CDK5R1: variants seen among roughly 807,000 people sequenced by gnomAD.
The protein encoded by CDK5R1 is cyclin dependent kinase 5 regulatory subunit 1.
A neutral mutation model predicts 19.0 loss-of-function variants in CDK5R1; 1 was observed. That is an observed-to-expected ratio of 0.05 (90% CI 0.02 to 0.25). The LOEUF is 0.25. CDK5R1 is among the 10% of genes least tolerant of loss of function. The pLI is 1.00. For synonymous variants in CDK5R1, 225 were observed against 187.7 expected (o/e 1.20, Z -1.62); for missense variants, 314 against 401.0 (o/e 0.78, Z 1.85).
Position 32,489,014 on chromosome 17 carries a change from G to C in CDK5R1, c.*470G>C. ...CCCTAACTGAGCTGCCAGTGGGGTC[G>C]TGAGGCAAGATCCCCGCCACCCGGG... On this transcript the variant is annotated 3_prime_UTR_variant, in exon 2 of 2. Coordinates refer to ENST00000313401, the MANE Select transcript of CDK5R1 (RefSeq NM_003885.3). 2.6e-6 allele frequency: 1 copy of C among 380,492 alleles called. No individual in the cohort carries two copies. The highest frequency in any genetic ancestry group is 5.4e-6 in the Non-Finnish European group (1 of 184,694). 23.6% of individuals were successfully genotyped at this position (380,492 alleles called of 1,614,324 possible).
rs756706839 is a variant in CDK5R1, at chr17:32,488,481, C to T, written c.861C>T (p.Ser287=). The T allele has an allele frequency of 6.8e-6, 11 of 1,614,058 alleles. No individual in the cohort carries two copies. In the South Asian group the frequency reaches 1.1e-4, roughly 16 times the overall value. The change falls in exon 2 of 2, where the codon TCC becomes TCT. Residue 287 remains serine (S), a synonymous_variant. Transcript: ENST00000313401. ...CACACTACTTCACACAGGTCTTCTC[C>T]GACCTGAAGAACGAGAGCGGCCAGG... The part of the protein sequence containing the change: ...ADPHYFTQVF[S]DLKNESGQED...
Position 32,488,630 on chromosome 17 carries a change from A to C in CDK5R1, c.*86A>C. 1 of 1,574,712 alleles carries C rather than the reference A, an allele frequency of 6.4e-7. No homozygotes were observed. The stretch of plus-strand genomic sequence containing the variant: ...TCAGTTTTGTGTACAGTATGTGTCT[A>C]GCAAAGCCACCAAGGGCCTCACCTT... On this transcript the variant is annotated 3_prime_UTR_variant, in exon 2 of 2. Coordinates refer to ENST00000313401, the MANE Select transcript of CDK5R1 (RefSeq NM_003885.3).
At position 32,487,569 on chromosome 17, in the gene CDK5R1, G is replaced by C. The variant is rs1908717504; in HGVS notation, c.-52G>C. ...GGTGAGCGGTTTTATCCCTCCGGCC[G>C]GCAGGCTGGGCGCGCAGGGGCGCGA... On this transcript the variant is annotated 5_prime_UTR_variant, in exon 2 of 2. Transcript: ENST00000313401. The surrounding 1 kb of genome is among the most constrained non-coding windows in gnomAD (Gnocchi z 7.9). 6.0e-6 allele frequency: 9 copies of C among 1,497,570 alleles called. No homozygotes were observed. The South Asian group carries it at 7.1e-5, about 12-fold the overall frequency. The allele number at this position is 1,497,570 out of a possible 1,614,324, so 92.8% of individuals were successfully genotyped here.
chr17:32,489,809 G>T lies in CDK5R1; in HGVS notation c.*1265G>T, dbSNP rs1204854901. 1 of 167,822 alleles carries T rather than the reference G, an allele frequency of 6.0e-6. No individual in the cohort carries two copies. Among genetic ancestry groups the T allele is most frequent in the Non-Finnish European group, 1.5e-5 (1 of 68,696 alleles). 10.4% of individuals were successfully genotyped at this position (167,822 alleles called of 1,614,324 possible). On this transcript the variant is annotated 3_prime_UTR_variant, in exon 2 of 2. Transcript: ENST00000313401. The stretch of plus-strand genomic sequence containing the variant: ...TTGGTGGCTTGGGACTTGGGAGAGG[G>T]AGCAAGCCTTCCTCCATGGCCCATC...
Position 32,488,834 on chromosome 17 carries a change from C to T in CDK5R1, c.*290C>T, listed in dbSNP as rs1022673514. On this transcript the variant is annotated 3_prime_UTR_variant, in exon 2 of 2. Transcript: ENST00000313401. ...CTGCCGCCTGTGCCCTTGCTGGGTCCAGGGTAGGCAAGGCTGCCGGCTGCA... is the reference window on the plus strand; with the variant it reads ...CTGCCGCCTGTGCCCTTGCTGGGTCTAGGGTAGGCAAGGCTGCCGGCTGCA... 5 of 468,486 alleles carry T rather than the reference C, an allele frequency of 1.1e-5. No individual in the cohort carries two copies. Among genetic ancestry groups the T allele is most frequent in the African/African-American group, 2.0e-5 (1 of 50,028 alleles). 29.0% of individuals were successfully genotyped at this position (468,486 alleles called of 1,614,324 possible). A position where few individuals can be genotyped will look rare whatever the true frequency, so the allele number is the denominator to read the frequency against.
rs976653240 is a variant in CDK5R1 at position 32,487,751 on chromosome 17, A to C, written c.131A>C (p.His44Pro). 6.2e-7 allele frequency: 1 copy of C among 1,613,926 alleles called. No homozygotes were observed. The highest frequency in any genetic ancestry group is 1.1e-5 in the South Asian group (1 of 91,072). ...KNAKDKNLKR[H>P]SIISVLPWKR... Reference sequence around the variant, plus strand: ...GCCAAGGACAAGAACCTGAAGCGCCACTCCATCATCTCCGTGCTGCCTTGG... The same window carrying C: ...GCCAAGGACAAGAACCTGAAGCGCCCCTCCATCATCTCCGTGCTGCCTTGG... Residue 44 changes from histidine (H) to proline (P), a missense_variant, in exon 2 of 2, where the codon CAC (histidine) becomes CCC (proline). His to Pro is a moderately conservative substitution (Grantham distance 77). Coordinates refer to ENST00000313401, the MANE Select transcript of CDK5R1 (RefSeq NM_003885.3). The surrounding 1 kb of genome is among the most constrained non-coding windows in gnomAD (Gnocchi z 7.9).
rs1908739350 is a variant in CDK5R1 at position 32,488,017 on chromosome 17, G to A, written c.397G>A (p.Val133Ile). 1.2e-6 allele frequency: 2 copies of A among 1,612,968 alleles called. No homozygotes were observed. The highest frequency in any genetic ancestry group is 1.3e-5 in the African/African-American group (1 of 75,040). The change falls in exon 2 of 2, where the codon GTC becomes ATC. Residue 133 changes from valine (V) to isoleucine (I), a missense_variant. Val to Ile is a conservative substitution (Grantham distance 29). This residue lies in a region of CDK5R1 where 197 missense variants were observed against 230.2 expected (regional missense o/e 0.86). Coordinates refer to ENST00000313401, the MANE Select transcript of CDK5R1 (RefSeq NM_003885.3). ...AGTCAAGAAAGCCCCTCACCCTGCC[G>A]TCACCTCCGCAGGGACGCCCAAACG... ...SSVKKAPHPAVTSAGTPKRVI... is the reference protein window; with the variant it reads ...SSVKKAPHPAITSAGTPKRVI...
In CDK5R1 at chr17:32,490,112, G is replaced by C. The variant is rs969363424; in HGVS notation, c.*1568G>C. On this transcript the variant is annotated 3_prime_UTR_variant, in exon 2 of 2. Transcript: ENST00000313401. Reference sequence around the variant, plus strand: ...CAGAGGTGGGGAAGAGAGCCTGCCCGGCCGGAGAACATCTGCCTTGCTGCA... The same window carrying C: ...CAGAGGTGGGGAAGAGAGCCTGCCCCGCCGGAGAACATCTGCCTTGCTGCA... The C allele has an allele frequency of 6.0e-6, 1 of 167,150 alleles. No individual in the cohort carries two copies. The highest frequency in any genetic ancestry group is 2.4e-5 in the African/African-American group (1 of 41,462). 10.4% of individuals were successfully genotyped at this position (167,150 alleles called of 1,614,324 possible).
At position 32,487,094 on chromosome 17, in the gene CDK5R1, G is replaced by T; in HGVS notation, c.-214G>T. 1 of 146,644 alleles carries T rather than the reference G, an allele frequency of 6.8e-6. No individual in the cohort carries two copies. The highest frequency in any genetic ancestry group is 1.9e-4 in the South Asian group (1 of 5,172). The allele number at this position is 146,644 out of a possible 1,614,324, so 9.1% of individuals were successfully genotyped here. The stretch of plus-strand genomic sequence containing the variant: ...GCGCCCCCGAGCGCCGCCGAGCGCC[G>T]GGACCGCGGCGGCGGGGCCGCGGCG... On this transcript the variant is annotated 5_prime_UTR_variant, in exon 1 of 2. Transcript: ENST00000313401. This position sits in a 1 kb window ranked among gnomAD's most constrained non-coding sequence, Gnocchi z 7.9.
In CDK5R1 at chr17:32,488,033, C is replaced by A. The variant is rs1310057719; in HGVS notation, c.413C>A (p.Thr138Lys). The change falls in exon 2 of 2, where the codon ACG (threonine) becomes AAG (lysine). Residue 138 changes from threonine (T) to lysine (K), a missense_variant. This residue lies in a region of CDK5R1 where 197 missense variants were observed against 230.2 expected (regional missense o/e 0.86). Transcript: ENST00000313401. ...CACCCTGCCGTCACCTCCGCAGGGA[C>A]GCCCAAACGGGTCATCGTCCAGGCG... is the stretch of plus-strand genomic sequence containing the variant. ...APHPAVTSAG[T>K]PKRVIVQAST... The A allele has an allele frequency of 6.2e-7, 1 of 1,612,562 alleles. No individual in the cohort carries two copies. Among genetic ancestry groups the A allele is most frequent in the East Asian group, 2.2e-5 (1 of 44,850 alleles).
chr17:32,488,004 C>T lies in CDK5R1; in HGVS notation c.384C>T (p.Ala128=), dbSNP rs933574591. The change falls in exon 2 of 2, where the codon GCC becomes GCT. Residue 128 remains alanine, a synonymous_variant. Transcript: ENST00000313401. ...GGGGCTCCTCCTCAGTCAAGAAAGC[C>T]CCTCACCCTGCCGTCACCTCCGCAG... ...QTGGSSSVKK[A]PHPAVTSAGT... 6.2e-7 allele frequency: 1 copy of T among 1,613,124 alleles called. No individual in the cohort carries two copies.
chr17:32,488,841 G>C lies in CDK5R1; in HGVS notation c.*297G>C. The C allele has an allele frequency of 2.2e-6, 1 of 452,186 alleles. No homozygotes were observed. The highest frequency in any genetic ancestry group is 4.2e-6 in the Non-Finnish European group (1 of 238,554). 28.0% of individuals were successfully genotyped at this position (452,186 alleles called of 1,614,324 possible). A position where few individuals can be genotyped will look rare whatever the true frequency, so the allele number is the denominator to read the frequency against. ...CTGTGCCCTTGCTGGGTCCAGGGTA[G>C]GCAAGGCTGCCGGCTGCACCCTGTA... On this transcript the variant is annotated 3_prime_UTR_variant, in exon 2 of 2. Coordinates refer to ENST00000313401, the MANE Select transcript of CDK5R1 (RefSeq NM_003885.3).
In CDK5R1 at chr17:32,488,043, G is replaced by T. The variant is rs1029984717; in HGVS notation, c.423G>T (p.Arg141=). Residue 141 remains arginine (R), a synonymous_variant, in exon 2 of 2, where the codon CGG becomes CGT. Transcript: ENST00000313401. The part of the protein sequence containing the change: ...PAVTSAGTPK[R]VIVQASTSEL... ...TCACCTCCGCAGGGACGCCCAAACGGGTCATCGTCCAGGCGTCCACCAGTG... is the reference window on the plus strand; with the variant it reads ...TCACCTCCGCAGGGACGCCCAAACGTGTCATCGTCCAGGCGTCCACCAGTG... The T allele has an allele frequency of 2.5e-6, 4 of 1,612,382 alleles. No homozygotes were observed. The highest frequency in any genetic ancestry group is 2.5e-6 in the Non-Finnish European group (3 of 1,179,334).
Position 32,487,576 on chromosome 17 carries a change from TGGGCGCGCAG to T in CDK5R1, c.-37_-28del, listed in dbSNP as rs1908718273. Reference sequence around the variant, plus strand: ...GGTTTTATCCCTCCGGCCGGCAGGCTGGGCGCGCAGGGGCGCGAGCCCCCGCCCGGCGCGC... The same window carrying T: ...GGTTTTATCCCTCCGGCCGGCAGGCTGGGCGCGAGCCCCCGCCCGGCGCGC... On this transcript the variant is annotated 5_prime_UTR_variant, in exon 2 of 2. Transcript: ENST00000313401. This position sits in a 1 kb window ranked among gnomAD's most constrained non-coding sequence, Gnocchi z 7.9. The T allele has an allele frequency of 2.0e-6, 3 of 1,533,110 alleles. No homozygotes were observed. The highest frequency in any genetic ancestry group is 2.7e-6 in the Non-Finnish European group (3 of 1,127,458). 95.0% of individuals were successfully genotyped at this position (1,533,110 alleles called of 1,614,324 possible). A position where few individuals can be genotyped will look rare whatever the true frequency, so the allele number is the denominator to read the frequency against.
Position 32,488,280 on chromosome 17 carries a change from C to T in CDK5R1, c.660C>T (p.His220=), listed in dbSNP as rs763595725. The T allele has an allele frequency of 3.1e-6, 5 of 1,613,986 alleles. No individual in the cohort carries two copies. The Admixed American group carries it at 8.3e-5, about 27-fold the overall frequency. The change falls in exon 2 of 2, where the codon CAC becomes CAT. Residue 220 remains histidine (H), a synonymous_variant. Transcript: ENST00000313401. ...TCTCCTCCGAGGTGGGCTCGGATCA[C>T]GAGCTCCAGGCCGTCCTGCTGACAT... ...DVISSEVGSD[H]ELQAVLLTCL... is the part of the protein sequence containing the mutation.
rs1908723600 is a variant in CDK5R1, at chr17:32,487,675, G to T, written c.55G>T (p.Asp19Tyr). 8 of 1,613,792 alleles carry T rather than the reference G, an allele frequency of 5.0e-6. No homozygotes were observed. The highest frequency in any genetic ancestry group is 6.8e-6 in the Non-Finnish European group (8 of 1,179,948). ...CTACCGGAAGGCCACGCTGTTTGAG[G>T]ATGGCGCGGCCACCGTGGGCCACTA... ...PSYRKATLFE[D>Y]GAATVGHYTA... Residue 19 changes from aspartate (D) to tyrosine (Y), a missense_variant, in exon 2 of 2, where the codon GAT becomes TAT. Physicochemically the swap from Asp to Tyr is radical, Grantham distance 160. Around this residue, in one of 3 missense-constraint regions of CDK5R1, gnomAD observed 197 missense variants for 230.2 expected, o/e 0.86. Coordinates refer to ENST00000313401, the MANE Select transcript of CDK5R1 (RefSeq NM_003885.3). This position sits in a 1 kb window ranked among gnomAD's most constrained non-coding sequence, Gnocchi z 7.9.
chr17:32,487,007 T>TGCCGCCGCCGCCGCCGCCGCCGCC lies in CDK5R1; in HGVS notation c.-279_-278insCCGCCGCCGCCGCCGCCGCCGCCG, dbSNP rs9333298. On this transcript the variant is annotated 5_prime_UTR_variant, in exon 1 of 2. Coordinates refer to ENST00000313401, the MANE Select transcript of CDK5R1 (RefSeq NM_003885.3). This position sits in a 1 kb window ranked among gnomAD's most constrained non-coding sequence, Gnocchi z 7.9. ...GAACCTTGGACAGAAGCTCCCTAGCTGCCGCCGCCGCCGCCGCCGCCGTCG... is the reference window on the plus strand; with the variant it reads ...GAACCTTGGACAGAAGCTCCCTAGCTGCCGCCGCCGCCGCCGCCGCCGCCGCCGCCGCCGCCGCCGCCGCCGTCG... 1.3e-5 allele frequency: 2 copies of TGCCGCCGCCGCCGCCGCCGCCGCC among 152,294 alleles called. No individual in the cohort carries two copies. The highest frequency in any genetic ancestry group is 5.0e-5 in the African/African-American group (2 of 39,910). The allele number at this position is 152,294 out of a possible 1,614,324, so 9.4% of individuals were successfully genotyped here. A position where few individuals can be genotyped will look rare whatever the true frequency, so the allele number is the denominator to read the frequency against.
rs1908751971 is a variant in CDK5R1 at position 32,488,313 on chromosome 17, C to T, written c.693C>T (p.Tyr231=). 6 of 1,614,048 alleles carry T rather than the reference C, an allele frequency of 3.7e-6. No homozygotes were observed. The African/African-American group carries it at 4.0e-5, about 11-fold the overall frequency. The part of the protein sequence containing the change: ...ELQAVLLTCL[Y]LSYSYMGNEI... ...AGGCCGTCCTGCTGACATGCCTGTACCTCTCCTACTCCTACATGGGCAACG... is the reference window on the plus strand; with the variant it reads ...AGGCCGTCCTGCTGACATGCCTGTATCTCTCCTACTCCTACATGGGCAACG... The change falls in exon 2 of 2, where the codon TAC becomes TAT. Residue 231 remains tyrosine (Y), a synonymous_variant. Coordinates refer to ENST00000313401, the MANE Select transcript of CDK5R1 (RefSeq NM_003885.3).
rs959389106 is a variant in CDK5R1, at chr17:32,487,497, G to C, written c.-124G>C. Reference sequence around the variant, plus strand: ...CCAGGCAGATCCAAGGGGGCAGCACGCTTCCCGGGAGCGCCCCCGCCTCCT... The same window carrying C: ...CCAGGCAGATCCAAGGGGGCAGCACCCTTCCCGGGAGCGCCCCCGCCTCCT... On this transcript the variant is annotated 5_prime_UTR_variant, in exon 2 of 2. Transcript: ENST00000313401. This position sits in a 1 kb window ranked among gnomAD's most constrained non-coding sequence, Gnocchi z 7.9. 1.0e-5 allele frequency: 7 copies of C among 670,552 alleles called. No homozygotes were observed. Among genetic ancestry groups the C allele is most frequent in the East Asian group, 2.8e-5 (1 of 35,456 alleles). 41.5% of individuals were successfully genotyped at this position (670,552 alleles called of 1,614,324 possible).
Sources: gnomAD v4.1 joint callset for allele counts on GRCh38, gnomAD v4.1.1 for gene constraint, gnomAD v4.1.1 regional missense constraint, Gnocchi (gnomAD v3.1) non-coding constraint, MANE v1.5 for transcripts, NCBI Gene and HGNC (gene_info 2026-07-23, HGNC 2026-07-21) for gene names.